The following AAMDC variants were observed in gnomAD, a reference collection of about 807,000 sequenced individuals.
The protein encoded by AAMDC is mth938 domain-containing protein.
Under a neutral mutation model 15.5 loss-of-function variants are expected in AAMDC, and 16 were observed. The ratio of observed to expected loss-of-function variants is 1.03; its 90% CI spans 0.70 to 1.57. The LOEUF is 1.57. Ranked by LOEUF, AAMDC falls within the 40% of genes most tolerant of loss-of-function variation. The pLI is 0.00. For missense variants in AAMDC, 141 were observed against 144.9 expected (o/e 0.97, Z 0.14); for synonymous variants, 51 against 51.6 (o/e 0.99, Z 0.05).
At chr11:77,901,051 G>A (rs1488859827), downstream of AAMDC, among the ~76,000 whole-genome samples, 1 of 152,166 alleles carries the variant, frequency 6.6e-6, no homozygotes, top group Non-Finnish European at 1.5e-5. Context: ...CTTATTGCCT[G>A]AGAAAAAGCT....
downstream of AAMDC, among the ~76,000 whole-genome samples, chr11:77,905,409 G>A (rs186108472): frequency 2.1e-3 from 324 of 151,560 alleles, 2 homozygotes; most frequent in South Asian, 6.3e-3. Context: ...GCAGTGAGCC[G>A]AGATCACGCC....
intron 1 of AAMDC, among the ~76,000 whole-genome samples, chr11:77,827,497 A>G (rs1475319881): frequency 6.6e-6 from 1 of 152,232 alleles, no homozygotes; most frequent in Non-Finnish European, 1.5e-5. Flanking sequence ...AAAAATCAAT[A>G]TATTGTAATA....
At chr11:77,862,024 T>C (rs1950901354) in intron 2 of AAMDC, among the ~76,000 whole-genome samples, 1 of 152,132 alleles carries the variant, frequency 6.6e-6, no homozygotes, top group Non-Finnish European at 1.5e-5. Flanking sequence ...GGCGGTAGGA[T>C]TTTCTTCCTT....
chr11:77,852,729 A>G (rs1950448766), intron 2 of AAMDC, among the ~76,000 whole-genome samples: 1 of 152,192 alleles, frequency 6.6e-6, no homozygotes, highest in South Asian at 2.1e-4. Context: ...GGAAAAAATA[A>G]GCAAATACAA....
chr11:77,888,482 C>T (rs1158626610), intron 5 of AAMDC, among the ~76,000 whole-genome samples: 1 of 152,142 alleles, frequency 6.6e-6, no homozygotes, highest in Non-Finnish European at 1.5e-5. Flanking sequence ...TAGAAGAAAA[C>T]CTAGACAATA....
intron 5 of AAMDC, chr11:77,878,723 G>C: frequency 1.4e-6 from 1 of 695,312 alleles, no homozygotes; most frequent in Non-Finnish European, 2.6e-6. Context: ...GAACAGCTTG[G>C]TGTTTTCTCA....
At chr11:77,832,401 G>A (rs371414470) in intron 1 of AAMDC, among the ~76,000 whole-genome samples, 1 of 150,758 alleles carries the variant, frequency 6.6e-6, no homozygotes, top group African/African-American at 2.4e-5. Flanking sequence ...ATCTCGGCTC[G>A]CTGCAACCTC....
chr11:77,822,192 C>A (rs1218084828), intron 1 of AAMDC, among the ~76,000 whole-genome samples: 1 of 152,028 alleles, frequency 6.6e-6, no homozygotes, highest in Non-Finnish European at 1.5e-5. Flanking sequence ...GTAATCCCAA[C>A]ACTTTGGGAA....
intron 2 of AAMDC, among the ~76,000 whole-genome samples, chr11:77,854,635 G>T (rs1950536642): frequency 6.6e-6 from 1 of 152,246 alleles, no homozygotes; most frequent in African/African-American, 2.4e-5. Flanking sequence ...CTCTGCCTCT[G>T]TGGCTCTGCA....
intron 1 of AAMDC, among the ~76,000 whole-genome samples, chr11:77,823,075 G>C (rs977727443): frequency 6.6e-6 from 1 of 151,934 alleles, no homozygotes; most frequent in Non-Finnish European, 1.5e-5. Context: ...TTAGCCGGGC[G>C]TGGTGGCGGC....
chr11:77,873,455 G>C (rs182514774), downstream of AAMDC, among the ~76,000 whole-genome samples: 296 of 152,304 alleles, frequency 1.9e-3, 2 homozygotes, highest in Non-Finnish European at 3.6e-3. Context: ...AAGAGCCATA[G>C]AATGTTGGAG....
intron 3 of AAMDC, among the ~76,000 whole-genome samples, chr11:77,870,970 C>G (rs1462379679): frequency 1.3e-5 from 2 of 152,152 alleles, no homozygotes; most frequent in African/African-American, 4.8e-5. Flanking sequence ...CAGTCCTGTT[C>G]CTTACTGATG....
intron 1 of AAMDC, among the ~76,000 whole-genome samples, chr11:77,823,214 CAAAAAA>C (rs746182266): frequency 7.5e-5 from 7 of 92,734 alleles, no homozygotes; most frequent in South Asian, 8.2e-4. Flanking sequence ...GACTCCGTCT[CAAAAAA>C]AAAAAAAAAA....
chr11:77,837,386 T>C (rs1214452285), intron 1 of AAMDC, among the ~76,000 whole-genome samples: 1 of 151,812 alleles, frequency 6.6e-6, no homozygotes, highest in Admixed American at 6.6e-5. Context: ...TCCGCCTGCC[T>C]CGGCCTCCCA....
chr11:77,889,138 C>T (rs979840159), intron 5 of AAMDC, among the ~76,000 whole-genome samples: 14 of 152,052 alleles, frequency 9.2e-5, no homozygotes, highest in Non-Finnish European at 1.5e-4. Flanking sequence ...ATGTTTATTG[C>T]GGCACCACTC....
intron 5 of AAMDC, among the ~76,000 whole-genome samples, chr11:77,888,530 T>C (rs9667816): frequency 0.17 from 25,143 of 152,176 alleles, 2,467 homozygotes; most frequent in African/African-American, 0.25. Context: ...ACTTCATGTC[T>C]AAAACAGCAA....
chr11:77,874,487 T>C (rs1951545254), downstream of AAMDC, among the ~76,000 whole-genome samples: 1 of 152,068 alleles, frequency 6.6e-6, no homozygotes, highest in South Asian at 2.1e-4. Context: ...GAGAACTTAG[T>C]GTAAACTTCT....
exon 6 of AAMDC, chr11:77,900,669 C>T (rs1465026392): frequency 3.1e-5 from 21 of 688,164 alleles, no homozygotes; most frequent in South Asian, 3.0e-4. Flanking sequence ...TAAGATGCAC[C>T]TTTATTTTAT....
intron 5 of AAMDC, among the ~76,000 whole-genome samples, chr11:77,885,170 C>T (rs558374819): frequency 1.4e-4 from 22 of 151,864 alleles, no homozygotes; most frequent in South Asian, 6.3e-4. Context: ...CTCCGCCTCC[C>T]GGGTTAAAGT....
Sources: gnomAD v4.1 joint callset for allele counts (sites outside exome capture counted in the v4.1 genomes callset) on GRCh38, gnomAD v4.1.1 for gene constraint, MANE v1.5 for transcripts, NCBI Gene and HGNC (gene_info 2026-07-23, HGNC 2026-07-21) for gene names.